DMRT1: variants seen among roughly 807,000 people sequenced by gnomAD.
DMRT1 encodes the protein doublesex- and mab-3-related transcription factor 1.
In DMRT1, 7 loss-of-function variants were observed where a neutral mutation model predicts 32.3. The observed-to-expected ratio is 0.22, with a 90% CI of 0.12 to 0.41. The LOEUF (loss-of-function observed/expected upper bound fraction) is 0.41. DMRT1 is among the 10% of genes least tolerant of loss of function. The pLI, the probability that DMRT1 is intolerant of heterozygous loss-of-function variation, is 1.00. For missense variants in DMRT1, 625 were observed against 500.5 expected (o/e 1.25, Z -2.37); for synonymous variants, 278 against 206.1 (o/e 1.35, Z -2.99).
intron 4 of DMRT1, among the ~76,000 whole-genome samples, chr9:930,663 T>C (rs139642872): frequency 0.14 from 21,558 of 151,864 alleles, 1,665 homozygotes; most frequent in East Asian, 0.19. Context: ...CTGCCTCAGC[T>C]TCCCAAAGTG....
intron 2 of DMRT1, among the ~76,000 whole-genome samples, chr9:851,619 C>G (rs1386384393): frequency 6.6e-6 from 1 of 152,152 alleles, no homozygotes; most frequent in Non-Finnish European, 1.5e-5. Context: ...AAGAGAAATG[C>G]TCAAGAATTA....
chr9:944,613 C>T (rs1466958756), intron 4 of DMRT1, among the ~76,000 whole-genome samples: 6 of 152,076 alleles, frequency 3.9e-5, no homozygotes, highest in African/African-American at 1.2e-4. Context: ...TATTTTGGTC[C>T]TTGCTTGGCA....
At chr9:915,336 G>T (rs1355441027) in intron 3 of DMRT1, among the ~76,000 whole-genome samples, 2 of 152,150 alleles carry the variant, frequency 1.3e-5, no homozygotes, top group African/African-American at 4.8e-5. Context: ...GGAAATGGAG[G>T]GGGGGCCCTT....
At chr9:902,723 G>A (rs979239760) in intron 3 of DMRT1, among the ~76,000 whole-genome samples, 4 of 149,636 alleles carry the variant, frequency 2.7e-5, no homozygotes, top group East Asian at 2.0e-4. Flanking sequence ...TCCTCACCTC[G>A]AGTGATCCGC....
intron 4 of DMRT1, among the ~76,000 whole-genome samples, chr9:925,830 A>G (rs943008933): frequency 6.6e-6 from 1 of 152,154 alleles, no homozygotes; most frequent in African/African-American, 2.4e-5. Flanking sequence ...AGGGGAAAGG[A>G]GGGGTCCTGT....
chr9:953,620 C>G (rs954670787), intron 4 of DMRT1, among the ~76,000 whole-genome samples: 18 of 152,194 alleles, frequency 1.2e-4, no homozygotes, highest in African/African-American at 4.1e-4. Context: ...TACTCCCTCT[C>G]CACTGCTGCT....
At chr9:856,380 C>T (rs746332751) in intron 2 of DMRT1, among the ~76,000 whole-genome samples, 1 of 152,144 alleles carries the variant, frequency 6.6e-6, no homozygotes, top group African/African-American at 2.4e-5. Context: ...TGGAACATTT[C>T]AGTCACTCCC....
chr9:895,505 T>C (rs1463963997), intron 3 of DMRT1, among the ~76,000 whole-genome samples: 3 of 152,218 alleles, frequency 2.0e-5, no homozygotes, highest in Non-Finnish European at 4.4e-5. Flanking sequence ...GTGCAAGTGT[T>C]TGACCCTCTT....
At chr9:870,393 C>G (rs1327382512) in intron 2 of DMRT1, among the ~76,000 whole-genome samples, 1 of 129,214 alleles carries the variant, frequency 7.7e-6, no homozygotes, top group East Asian at 2.2e-4. Context: ...GAATGAAACT[C>G]TGTCTCAAAA....
intron 4 of DMRT1, among the ~76,000 whole-genome samples, chr9:940,200 T>G (rs576270794): frequency 6.6e-6 from 1 of 152,030 alleles, no homozygotes; most frequent in Non-Finnish European, 1.5e-5. Context: ...ATGCAGCAAT[T>G]CTACTTCTAG....
chr9:867,658 C>T (rs568859280), intron 2 of DMRT1, among the ~76,000 whole-genome samples: 2 of 152,284 alleles, frequency 1.3e-5, no homozygotes, highest in South Asian at 2.1e-4. Flanking sequence ...AACTCAAACC[C>T]GGGTCTGTGA....
chr9:884,666 C>T (rs529981086), intron 2 of DMRT1, among the ~76,000 whole-genome samples: 2 of 152,024 alleles, frequency 1.3e-5, no homozygotes, highest in Non-Finnish European at 2.9e-5. Context: ...GAGTATATAC[C>T]AATGGTAACA....
At chr9:874,157 G>T (rs1486638425) in intron 2 of DMRT1, among the ~76,000 whole-genome samples, 1 of 152,212 alleles carries the variant, frequency 6.6e-6, no homozygotes, top group Non-Finnish European at 1.5e-5. Context: ...TCATGTGTAT[G>T]ATTCTCTTTG....
intron 2 of DMRT1, among the ~76,000 whole-genome samples, chr9:881,983 T>C (rs1411166135): frequency 6.6e-6 from 1 of 152,252 alleles, no homozygotes; most frequent in Non-Finnish European, 1.5e-5. Flanking sequence ...CAGGCTTTCA[T>C]GGCCATGAGA....
At chr9:847,548 G>C (rs950776559) in intron 2 of DMRT1, among the ~76,000 whole-genome samples, 4 of 152,324 alleles carry the variant, frequency 2.6e-5, no homozygotes, top group African/African-American at 9.6e-5. Flanking sequence ...CCAAATCCTA[G>C]TGTCAAATTT....
chr9:878,470 C>G (rs1037137224), intron 2 of DMRT1, among the ~76,000 whole-genome samples: 2 of 152,118 alleles, frequency 1.3e-5, no homozygotes. Flanking sequence ...TCATGATTGC[C>G]TTGTGGGAGA....
At chr9:933,648 G>T (rs1359415329) in intron 4 of DMRT1, among the ~76,000 whole-genome samples, 1 of 152,188 alleles carries the variant, frequency 6.6e-6, no homozygotes, top group African/African-American at 2.4e-5. Flanking sequence ...AGCACATAGG[G>T]TTATTTAAAT....
rs144730252 is a variant in DMRT1 at position 870,864 on chromosome 9, G to A, written c.539-23048G>A. Among the ~76,000 whole-genome samples the A allele has an allele frequency of 9.1e-4, 138 of 151,536 alleles. 1 individual carries two copies. Among genetic ancestry groups the A allele is most frequent in the East Asian group, 5.6e-3 (29 of 5,138 alleles). On this transcript the variant is annotated intron_variant, in intron 2 of 4. Transcript: ENST00000382276. ...GTAGCTGGAACTACAGGTGCACACC[G>A]CCAAGTGTGGCTAATTTTTTTTGTG...
intron 4 of DMRT1, among the ~76,000 whole-genome samples, chr9:954,579 G>C (rs72701054): frequency 0.017 from 2,562 of 152,166 alleles, 48 homozygotes; most frequent in Non-Finnish European, 0.026. Flanking sequence ...TGTTATTGGA[G>C]GAGGAGAAGT....
Sources: gnomAD v4.1 joint callset for allele counts (sites outside exome capture counted in the v4.1 genomes callset) on GRCh38, gnomAD v4.1.1 for gene constraint, MANE v1.5 for transcripts, NCBI Gene and HGNC (gene_info 2026-07-23, HGNC 2026-07-21) for gene names.